TMEM150C: variants seen among roughly 807,000 people sequenced by gnomAD.
TMEM150C encodes transmembrane protein 150C.
Under a neutral mutation model 29.9 loss-of-function variants are expected in TMEM150C, and 10 were observed. The observed-to-expected ratio is 0.33, with a 90% CI of 0.21 to 0.57. TMEM150C has a LOEUF of 0.57. Ranked by LOEUF, TMEM150C falls within the 20% of genes least tolerant of loss-of-function variation. The pLI, the probability that TMEM150C is intolerant of heterozygous loss-of-function variation, is 0.88. For synonymous variants in TMEM150C, 101 were observed against 112.5 expected, an observed-to-expected ratio of 0.90 and a Z score of 0.64; for missense variants, 251 against 303.6, an observed-to-expected ratio of 0.83 and a Z score of 1.29.
At chr4:82,503,898 A>T (rs901676465) in intron 2 of TMEM150C, among the ~76,000 whole-genome samples, 4 of 152,174 alleles carry the variant, frequency 2.6e-5, no homozygotes, top group Admixed American at 2.0e-4. Flanking sequence ...ATCAGACCCA[A>T]TCATGAATAA....
intron 1 of TMEM150C, among the ~76,000 whole-genome samples, chr4:82,516,539 G>A (rs1724302291): frequency 6.6e-6 from 1 of 152,218 alleles, no homozygotes; most frequent in Non-Finnish European, 1.5e-5. Flanking sequence ...GGGCTGTGGT[G>A]AAGATTAAGG....
At chr4:82,549,760 GA>G (rs1398197217) in intron 1 of TMEM150C, among the ~76,000 whole-genome samples, 1 of 152,052 alleles carries the variant, frequency 6.6e-6, no homozygotes, top group African/African-American at 2.4e-5. Flanking sequence ...CATTTCAGAG[GA>G]CTGTATAGTA....
At position 82,485,453 on chromosome 4, in the gene TMEM150C, CCTA is replaced by C. The variant is rs1229127457; in HGVS notation, c.*55_*57del. 3.0e-6 allele frequency: 4 copies of C among 1,324,776 alleles called. No homozygotes were observed. The Admixed American group carries it at 8.0e-5, about 26-fold the overall frequency. The allele number at this position is 1,324,776 out of a possible 1,614,324, so 82.1% of individuals were successfully genotyped here. On this transcript the variant is annotated 3_prime_UTR_variant, in exon 8 of 8. Coordinates refer to ENST00000449862, the MANE Select transcript of TMEM150C (RefSeq NM_001080506.3). ...TCTATGTCAAGTCCTGTGAGTGTGT[CCTA>C]CTGGCCCCTCCCCCACTGTCACACC... is the stretch of plus-strand genomic sequence containing the variant.
intron 1 of TMEM150C, among the ~76,000 whole-genome samples, chr4:82,517,660 C>T (rs1269901124): frequency 6.6e-6 from 1 of 152,200 alleles, no homozygotes; most frequent in East Asian, 1.9e-4. Flanking sequence ...CCTTCAGCTT[C>T]GGACTGAGAG....
intron 1 of TMEM150C, among the ~76,000 whole-genome samples, chr4:82,547,077 C>T (rs898761377): frequency 6.6e-6 from 1 of 151,948 alleles, no homozygotes; most frequent in Non-Finnish European, 1.5e-5. Flanking sequence ...AGTTTCTGCA[C>T]AGCAAAGGAA....
chr4:82,517,098 C>A (rs763595968), intron 1 of TMEM150C, among the ~76,000 whole-genome samples: 1 of 152,222 alleles, frequency 6.6e-6, no homozygotes, highest in Non-Finnish European at 1.5e-5. Context: ...CCACACACCT[C>A]GTGAAAGGTG....
intron 1 of TMEM150C, 59 bp downstream of exon 1, chr4:82,561,847 G>A (rs1244303507): frequency 3.1e-6 from 3 of 976,402 alleles, no homozygotes; most frequent in Non-Finnish European, 3.6e-6. Context: ...CACGGGGCCG[G>A]GCCGGACGCC....
At chr4:82,547,172 G>T (rs1306066867) in intron 1 of TMEM150C, among the ~76,000 whole-genome samples, 1 of 150,178 alleles carries the variant, frequency 6.7e-6, no homozygotes, top group Non-Finnish European at 1.5e-5. Context: ...CTAATATCCA[G>T]AATTTATAAG....
At chr4:82,495,605 T>C (rs141171106) in intron 6 of TMEM150C, 5,246 of 354,928 alleles carry the variant, frequency 0.015, 71 homozygotes, top group Middle Eastern at 0.045. Context: ...TAATTTTCTC[T>C]TTCTTTCTCC....
chr4:82,492,874 A>G (rs1041514640), intron 6 of TMEM150C, among the ~76,000 whole-genome samples: 2,541 of 133,222 alleles, frequency 0.019, 137 homozygotes, highest in African/African-American at 0.069. Flanking sequence ...GTATATATAT[A>G]TATATATATA....
At chr4:82,492,471 T>C (rs1578120827) in intron 6 of TMEM150C, among the ~76,000 whole-genome samples, 2 of 152,002 alleles carry the variant, frequency 1.3e-5, no homozygotes, top group Admixed American at 1.3e-4. Flanking sequence ...TATTTTCCCA[T>C]AGTAATAAGA....
rs377209343 is a variant in TMEM150C at position 82,502,897 on chromosome 4, T to G, written c.165A>C (p.Ile55=). The G allele has an allele frequency of 1.6e-4, 254 of 1,598,172 alleles. No homozygotes were observed. The highest frequency in any genetic ancestry group is 5.0e-4 in the Middle Eastern group (3 of 6,060). Residue 55 remains isoleucine, a splice_region_variant and synonymous_variant, in exon 4 of 8, where the codon ATA becomes ATC. Transcript: ENST00000449862. ...ACAGAAGAGAATTGCTGGGTTACCT[T>G]ATATATGGTGCATGCTTCACACCAG... is the stretch of plus-strand genomic sequence containing the variant. ...RKPGVKHAPY[I]SIAGDDPPAS...
chr4:82,503,003 G>T, intron 3 of TMEM150C, 56 bp downstream of exon 3: 1 of 1,604,848 alleles, frequency 6.2e-7, no homozygotes, highest in Non-Finnish European at 8.5e-7. Flanking sequence ...TTCCCAGTGG[G>T]AAAGTTTTTG....
At chr4:82,492,320 G>A (rs1362402118) in intron 6 of TMEM150C, among the ~76,000 whole-genome samples, 1 of 151,282 alleles carries the variant, frequency 6.6e-6, no homozygotes, top group Non-Finnish European at 1.5e-5. Flanking sequence ...TAGAAACGGG[G>A]TTTCACCATG....
intron 1 of TMEM150C, among the ~76,000 whole-genome samples, chr4:82,560,116 A>T (rs1362797195): frequency 7.3e-6 from 1 of 137,446 alleles, no homozygotes; most frequent in Non-Finnish European, 1.5e-5. Context: ...TATTGTGTTC[A>T]CGCAAAAAAA....
rs756405842 is a variant in TMEM150C at position 82,485,644 on chromosome 4, G to A, written c.617C>T (p.Ser206Phe). The change falls in exon 8 of 8, where the codon TCT becomes TTT. Residue 206 changes from serine to phenylalanine, a missense_variant. Ser to Phe is a radical substitution (Grantham distance 155). Coordinates refer to ENST00000449862, the MANE Select transcript of TMEM150C (RefSeq NM_001080506.3). ...VQWGLVMCFLSYFGTFAVEFR... is the reference protein window; with the variant it reads ...VQWGLVMCFLFYFGTFAVEFR... ...CTCCACGGCAAAGGTGCCAAAATAA[G>A]ACAGGAAGCACATGACCAGGCCCCA... 1 of 1,609,778 alleles carries A rather than the reference G, an allele frequency of 6.2e-7. No individual in the cohort carries two copies. Among genetic ancestry groups the A allele is most frequent in the Non-Finnish European group, 8.5e-7 (1 of 1,178,058 alleles).
At chr4:82,520,728 T>TA (rs1724455889) in intron 1 of TMEM150C, among the ~76,000 whole-genome samples, 1 of 152,004 alleles carries the variant, frequency 6.6e-6, no homozygotes, top group South Asian at 2.1e-4. Context: ...ACAAAAAAAT[T>TA]AAAAAATTAG....
chr4:82,487,500 C>T (rs1723202175), intron 7 of TMEM150C, among the ~76,000 whole-genome samples: 1 of 152,178 alleles, frequency 6.6e-6, no homozygotes, highest in South Asian at 2.1e-4. Flanking sequence ...CTCTTTTGAA[C>T]AAGGATGCAA....
At chr4:82,496,302 G>T in intron 5 of TMEM150C, 107 bp from the exon 6 acceptor site, 1 of 1,141,148 alleles carries the variant, frequency 8.8e-7, no homozygotes, top group Non-Finnish European at 1.2e-6. Context: ...ATTTTCTTAG[G>T]TAAGAGGCAG....
Sources: allele counts gnomAD v4.1 joint callset (sites outside exome capture counted in the v4.1 genomes callset), GRCh38; gene constraint gnomAD v4.1.1; transcripts MANE v1.5; gene names NCBI Gene and HGNC (gene_info 2026-07-23, HGNC 2026-07-21).